CNTNAP2: variants seen among roughly 807,000 people sequenced by gnomAD.
CNTNAP2 encodes the protein contactin-associated protein-like 2.
CNTNAP2 carries 98 observed loss-of-function variants against 155.2 expected under a neutral mutation model. The observed-to-expected ratio is 0.63, with a 90% CI of 0.54 to 0.75. CNTNAP2 has a LOEUF of 0.75. Among genes scored for constraint, CNTNAP2 ranks in the 30% least tolerant of loss-of-function variants. The pLI, the probability that CNTNAP2 is intolerant of heterozygous loss-of-function variation, is 0.00. For missense variants in CNTNAP2, 1,727 were observed against 1,688.1 expected (o/e 1.02, Z -0.40); for synonymous variants, 651 against 631.2 (o/e 1.03, Z -0.47).
intron 3 of CNTNAP2, among the ~76,000 whole-genome samples, chr7:146,963,873 A>G (rs1484439773): frequency 2.0e-5 from 3 of 150,482 alleles, no homozygotes; most frequent in African/African-American, 7.5e-5. Context: ...TTTGCAAAGA[A>G]ACAGTCTGAA....
chr7:147,338,643 C>T (rs868502913), intron 9 of CNTNAP2, among the ~76,000 whole-genome samples: 6 of 152,034 alleles, frequency 3.9e-5, no homozygotes, highest in Middle Eastern at 3.4e-3. Flanking sequence ...AAACTGAAAA[C>T]GTTACAGAGA....
chr7:146,950,120 A>C (rs1205107817), intron 3 of CNTNAP2, among the ~76,000 whole-genome samples: 2 of 152,130 alleles, frequency 1.3e-5, no homozygotes, highest in Non-Finnish European at 2.9e-5. Context: ...CCATTAGAAA[A>C]ATAATTGCCT....
Position 147,145,343 on chromosome 7 carries a change from G to A in CNTNAP2, c.1348+12834G>A, listed in dbSNP as rs148587747. Among the ~76,000 whole-genome samples, 658 of 152,220 alleles carry A rather than the reference G, an allele frequency of 4.3e-3. 6 individuals carry two copies. Among genetic ancestry groups the A allele is most frequent in the African/African-American group, 0.015 (628 of 41,534 alleles). On this transcript the variant is annotated intron_variant, in intron 8 of 23. Transcript: ENST00000361727. Reference sequence around the variant, plus strand: ...TTGTTGGTTGTCACAGCTGGAGAGTGGGGGGTAGGATGCTACTGGCACACA... The same window carrying A: ...TTGTTGGTTGTCACAGCTGGAGAGTAGGGGGTAGGATGCTACTGGCACACA...
At chr7:147,300,827 T>C (rs575244596) in intron 9 of CNTNAP2, among the ~76,000 whole-genome samples, 55 of 152,170 alleles carry the variant, frequency 3.6e-4, no homozygotes, top group African/African-American at 1.3e-3. Flanking sequence ...CAGTTCTCTG[T>C]GGCCTCTGAT....
intron 3 of CNTNAP2, among the ~76,000 whole-genome samples, chr7:147,033,905 C>A (rs1799094042): frequency 6.6e-6 from 1 of 151,686 alleles, no homozygotes; most frequent in African/African-American, 2.4e-5. Flanking sequence ...CAAGAGTACA[C>A]CAACAGAATA....
rs1211183431 is a variant in CNTNAP2, at chr7:146,947,527, A to ATG, written c.403-96366_403-96365dup. On this transcript the variant is annotated intron_variant, in intron 3 of 23. Coordinates refer to ENST00000361727, the MANE Select transcript of CNTNAP2 (RefSeq NM_014141.6). ...TTCTAGATATATATAGTGTGTATGT[A>ATG]TGTGTGTGTGTGTGTATGTGTGTGT... Among the ~76,000 whole-genome samples the ATG allele has an allele frequency of 3.1e-4, 39 of 124,772 alleles. 1 individual carries two copies. The highest frequency in any genetic ancestry group is 1.2e-3 in the Admixed American group (13 of 10,604). The allele number at this position is 124,772 out of a possible 152,430, so 81.9% of individuals were successfully genotyped here. A position where few individuals can be genotyped will look rare whatever the true frequency, so the allele number is the denominator to read the frequency against.
chr7:148,287,769 C>T (rs532348048), intron 21 of CNTNAP2, among the ~76,000 whole-genome samples: 20 of 148,534 alleles, frequency 1.3e-4, no homozygotes, highest in African/African-American at 4.5e-4. Context: ...TCAGGTCTCT[C>T]TTCCTCTTTC....
intron 3 of CNTNAP2, among the ~76,000 whole-genome samples, chr7:146,848,514 A>T (rs1444657319): frequency 6.6e-6 from 1 of 152,140 alleles, no homozygotes; most frequent in Non-Finnish European, 1.5e-5. Context: ...GACTGTTCAA[A>T]TAGAGAGGTG....
intron 1 of CNTNAP2, among the ~76,000 whole-genome samples, chr7:146,714,232 A>G (rs757084957): frequency 2.6e-5 from 4 of 152,038 alleles, no homozygotes; most frequent in Non-Finnish European, 5.9e-5. Context: ...ATTTCACCAT[A>G]CTGCACATCT....
intron 1 of CNTNAP2, among the ~76,000 whole-genome samples, chr7:146,472,427 C>T (rs1289927413): frequency 6.6e-6 from 1 of 152,116 alleles, no homozygotes. Context: ...TATGTAGCCT[C>T]AAAGTTAAAG....
intron 21 of CNTNAP2, among the ~76,000 whole-genome samples, chr7:148,337,680 G>C (rs180825221): frequency 6.6e-6 from 1 of 152,320 alleles, no homozygotes; most frequent in African/African-American, 2.4e-5. Context: ...CCACTGTGGA[G>C]AGTGAAAAAG....
At chr7:148,301,069 G>A (rs966867412) in intron 21 of CNTNAP2, among the ~76,000 whole-genome samples, 1 of 152,016 alleles carries the variant, frequency 6.6e-6, no homozygotes, top group African/African-American at 2.4e-5. Flanking sequence ...GCCGAGGTGG[G>A]TGGATCACGA....
At chr7:148,076,993 A>C (rs1803499320) in intron 15 of CNTNAP2, among the ~76,000 whole-genome samples, 1 of 152,074 alleles carries the variant, frequency 6.6e-6, no homozygotes, top group African/African-American at 2.4e-5. Context: ...ATTTCCTTCA[A>C]GCTTGAGAAA....
chr7:146,577,478 C>T (rs1798543404), intron 1 of CNTNAP2, among the ~76,000 whole-genome samples: 1 of 152,102 alleles, frequency 6.6e-6, no homozygotes, highest in African/African-American at 2.4e-5. Flanking sequence ...AAGAATCCAA[C>T]ATGTAGATTT....
At chr7:146,209,817 T>G (rs1799005981) in intron 1 of CNTNAP2, among the ~76,000 whole-genome samples, 1 of 152,202 alleles carries the variant, frequency 6.6e-6, no homozygotes, top group Non-Finnish European at 1.5e-5. Flanking sequence ...ATAAAATCAT[T>G]AATGAAGGCA....
chr7:146,554,986 A>C (rs537237658), intron 1 of CNTNAP2, among the ~76,000 whole-genome samples: 37 of 152,182 alleles, frequency 2.4e-4, no homozygotes, highest in Non-Finnish European at 4.0e-4. Flanking sequence ...CCAAATAAAG[A>C]AAATGGGGTA....
At chr7:146,531,678 G>C (rs191303543) in intron 1 of CNTNAP2, among the ~76,000 whole-genome samples, 6 of 151,908 alleles carry the variant, frequency 3.9e-5, no homozygotes, top group Admixed American at 2.6e-4. Context: ...CCCAAGTAGC[G>C]GGATTACAGG....
chr7:148,213,585 A>C (rs1585191784), intron 18 of CNTNAP2, among the ~76,000 whole-genome samples: 1 of 149,258 alleles, frequency 6.7e-6, no homozygotes, highest in Non-Finnish European at 1.5e-5. Context: ...CCTGCCTCCC[A>C]CCCTCCCTCC....
Position 148,150,987 on chromosome 7 carries a change from C to T in CNTNAP2, c.2773+3278C>T, listed in dbSNP as rs561732950. Among the ~76,000 whole-genome samples the T allele has an allele frequency of 4.6e-5, 7 of 151,844 alleles. No homozygotes were observed. In the East Asian group the frequency reaches 1.2e-3, roughly 25 times the overall value. ...CTTCCACCTCAGCCTCCCAAAGGGC[C>T]GGAATTACAGGCATGAGCCACCATG... On this transcript the variant is annotated intron_variant, in intron 17 of 23. Transcript: ENST00000361727.
Sources: gnomAD v4.1 joint callset for allele counts (sites outside exome capture counted in the v4.1 genomes callset) on GRCh38, gnomAD v4.1.1 for gene constraint, MANE v1.5 for transcripts, NCBI Gene and HGNC (gene_info 2026-07-23, HGNC 2026-07-21) for gene names.